TENT5D: variants seen among roughly 807,000 people sequenced by gnomAD.
The protein encoded by TENT5D is terminal nucleotidyltransferase 5D.
For missense variants in TENT5D, 191 were observed against 287.0 expected (o/e 0.67, Z 2.42); for synonymous variants, 103 against 100.6 (o/e 1.02, Z -0.15).
chrX:80,359,462 A>G (rs374120106), intron 3 of TENT5D, among the ~76,000 whole-genome samples: 13 of 112,218 alleles, frequency 1.2e-4, no homozygotes, highest in Middle Eastern at 4.2e-3. Flanking sequence ...ATGGAATACA[A>G]TGCAACCATA....
At chrX:80,406,330 G>A (rs1318284199) in intron 3 of TENT5D, among the ~76,000 whole-genome samples, 1 of 107,792 alleles carries the variant, frequency 9.3e-6, no homozygotes, top group Non-Finnish European at 1.9e-5. Context: ...CAAACCAAAG[G>A]CAAAGAAGTT....
chrX:80,362,341 G>A (rs1392993077), intron 3 of TENT5D, among the ~76,000 whole-genome samples: 1 of 110,161 alleles, frequency 9.1e-6, no homozygotes, highest in Non-Finnish European at 1.9e-5. Context: ...TTTTTTGTAT[G>A]TTTAATAGAG....
chrX:80,368,033 A>G (rs1930544358), intron 3 of TENT5D, among the ~76,000 whole-genome samples: 1 of 112,058 alleles, frequency 8.9e-6, no homozygotes, highest in Admixed American at 9.5e-5. Context: ...ATGTTTAAGA[A>G]GATAGATATC....
chrX:80,381,793 T>C (rs1225371640), intron 3 of TENT5D, among the ~76,000 whole-genome samples: 6 of 112,247 alleles, frequency 5.3e-5, no homozygotes, highest in Non-Finnish European at 9.4e-5. Context: ...TCTCATGTCA[T>C]GGTTTTCAGC....
chrX:80,347,331 CCAG>C (rs1930084040), intron 3 of TENT5D, among the ~76,000 whole-genome samples: 1 of 112,045 alleles, frequency 8.9e-6, no homozygotes, highest in African/African-American at 3.2e-5. Context: ...ACATCCTTAA[CCAG>C]CATCTGTTGT....
At chrX:80,341,327 C>T (rs1025719021) in intron 2 of TENT5D, among the ~76,000 whole-genome samples, 1 of 112,156 alleles carries the variant, frequency 8.9e-6, no homozygotes, top group Non-Finnish European at 1.9e-5. Context: ...GAAAAGCTGG[C>T]TTTTATATGG....
In TENT5D at chrX:80,392,808, G is replaced by A. The variant is rs1314458204; in HGVS notation, c.-141-45802G>A. 3.5e-4 allele frequency among the ~76,000 whole-genome samples: 39 copies of A among 110,119 alleles called. 1 individual carries two copies. Among genetic ancestry groups the A allele is most frequent in the South Asian group, 3.9e-4 (1 of 2,564 alleles). ...TGGGATTACAGGCGTGAGCCACCGC[G>A]CCCGGCCATTCTCATTTTATTCTTA... is the stretch of plus-strand genomic sequence containing the variant. On this transcript the variant is annotated intron_variant, in intron 3 of 4. Coordinates refer to the TENT5D transcript ENST00000538312.
intron 3 of TENT5D, among the ~76,000 whole-genome samples, chrX:80,372,099 A>G (rs1419254492): frequency 1.8e-5 from 2 of 111,024 alleles, no homozygotes; most frequent in Non-Finnish European, 3.8e-5. Context: ...AACATCTAAA[A>G]TTCCAAAAAT....
At chrX:80,353,577 A>G (rs1178315502) in intron 3 of TENT5D, among the ~76,000 whole-genome samples, 4 of 111,688 alleles carry the variant, frequency 3.6e-5, no homozygotes, top group Non-Finnish European at 7.5e-5. Context: ...ACTTACCTCT[A>G]GCTCCATCCA....
chrX:80,349,913 A>G (rs1199124427), intron 3 of TENT5D, among the ~76,000 whole-genome samples: 3 of 110,781 alleles, frequency 2.7e-5, no homozygotes, highest in African/African-American at 9.9e-5. Flanking sequence ...TATTTACCCT[A>G]TAGTCATTCA....
intron 3 of TENT5D, among the ~76,000 whole-genome samples, chrX:80,347,680 G>T (rs1271737670): frequency 4.5e-5 from 5 of 112,094 alleles, no homozygotes; most frequent in Admixed American, 2.8e-4. Context: ...AGTTTAATTA[G>T]ATCTCATTTG....
chrX:80,430,190 G>T (rs745324612), intron 1 of TENT5D, among the ~76,000 whole-genome samples: 16 of 111,699 alleles, frequency 1.4e-4, no homozygotes, highest in South Asian at 3.7e-4. Flanking sequence ...ATTTTGGAAA[G>T]CCTTTATATA....
At chrX:80,364,268 A>G (rs1930463626) in intron 3 of TENT5D, among the ~76,000 whole-genome samples, 1 of 111,520 alleles carries the variant, frequency 9.0e-6, no homozygotes, top group South Asian at 3.7e-4. Flanking sequence ...ACAGGTGCAT[A>G]TACACCCATA....
At chrX:80,404,097 G>A (rs975303814) in intron 3 of TENT5D, among the ~76,000 whole-genome samples, 5 of 111,323 alleles carry the variant, frequency 4.5e-5, no homozygotes, top group Non-Finnish European at 9.4e-5. Context: ...ACACAATTTC[G>A]TCTGGTTCAG....
chrX:80,444,055 A>G (rs912831851), exon 3 of TENT5D: 1 of 168,637 alleles, frequency 5.9e-6, no homozygotes. Flanking sequence ...ATCTTTGACT[A>G]TAACATAAAA....
rs1206815891 is a variant in TENT5D at position 80,431,724 on chromosome X, C to T, written c.-141-6886C>T. ...TATCATGAGGCCAGCACAGGAAAGACTTCCCCCATGAATCAGTTACCTCCC... is the reference window on the plus strand; with the variant it reads ...TATCATGAGGCCAGCACAGGAAAGATTTCCCCCATGAATCAGTTACCTCCC... On this transcript the variant is annotated intron_variant, in intron 1 of 2. Transcript: ENST00000308293. Among the ~76,000 whole-genome samples the T allele has an allele frequency of 1.3e-4, 15 of 111,569 alleles. No individual in the cohort carries two copies. The Admixed American group carries it at 1.4e-3, about 11-fold the overall frequency.
intron 3 of TENT5D, among the ~76,000 whole-genome samples, chrX:80,375,141 T>A (rs1279670593): frequency 9.0e-6 from 1 of 111,610 alleles, no homozygotes; most frequent in Non-Finnish European, 1.9e-5. Context: ...ATTTTTTTCT[T>A]TTCTGGAATA....
chrX:80,444,304 ATAGTT>A (rs1932346338), exon 3 of TENT5D: 1 of 122,551 alleles, frequency 8.2e-6, no homozygotes. Flanking sequence ...AAATCCTACT[ATAGTT>A]TAAAGGAATA....
intron 3 of TENT5D, among the ~76,000 whole-genome samples, chrX:80,393,522 A>G (rs1432261892): frequency 1.8e-5 from 2 of 111,747 alleles, no homozygotes; most frequent in Non-Finnish European, 3.8e-5. Flanking sequence ...GTGAATTAAC[A>G]TATTCATTAT....
Sources: gnomAD v4.1 joint callset for allele counts (sites outside exome capture counted in the v4.1 genomes callset) on GRCh38, gnomAD v4.1.1 for gene constraint, MANE v1.5 for transcripts, NCBI Gene and HGNC (gene_info 2026-07-23, HGNC 2026-07-21) for gene names.